The following GUF1 variants were observed in gnomAD, a reference collection of about 807,000 sequenced individuals.
GUF1 encodes translation factor GUF1, mitochondrial.
A neutral mutation model predicts 82.4 loss-of-function variants in GUF1; 78 were observed. The observed-to-expected ratio is 0.95, with a 90% confidence interval of 0.79 to 1.14. GUF1 has a LOEUF of 1.14. Ranked by LOEUF, GUF1 falls within the 50% of genes most tolerant of loss-of-function variation. The pLI is 0.00. For synonymous variants in GUF1, 279 were observed against 282.3 expected (o/e 0.99, Z 0.12); for missense variants, 814 against 798.2 (o/e 1.02, Z -0.24).
rs767233840 is a variant in GUF1, at chr4:44,697,484, A to G, written c.1872+40A>G. The G allele has an allele frequency of 3.5e-5, 40 of 1,137,822 alleles. 1 individual carries two copies. The South Asian group carries it at 5.2e-4, about 15-fold the overall frequency. 70.5% of individuals were successfully genotyped at this position (1,137,822 alleles called of 1,614,324 possible). A position where few individuals can be genotyped will look rare whatever the true frequency, so the allele number is the denominator to read the frequency against. On this transcript the variant is annotated intron_variant, in intron 16 of 16. Transcript: ENST00000281543. The stretch of plus-strand genomic sequence containing the variant: ...GTATTTATTCTACTTTATAACTTTT[A>G]TGGGCTTTAAATCAAAGGGGGCATA...
chr4:44,680,832 T>A lies in GUF1; in HGVS notation c.416T>A (p.Ile139Asn), dbSNP rs773228432. The A allele has an allele frequency of 1.2e-6, 2 of 1,607,412 alleles. No individual in the cohort carries two copies. Among genetic ancestry groups the A allele is most frequent in the Non-Finnish European group, 1.7e-6 (2 of 1,176,614 alleles). Residue 139 changes from isoleucine to asparagine, a missense_variant, in exon 3 of 17, where the codon ATT (isoleucine) becomes AAT (asparagine). Coordinates refer to ENST00000281543, the MANE Select transcript of GUF1 (RefSeq NM_021927.3). Reference sequence around the variant, plus strand: ...GGAAAGCAGTACCTTTTAAATCTCATTGATACACCGGTAAGTTTAATATTA... The same window carrying A: ...GGAAAGCAGTACCTTTTAAATCTCAATGATACACCGGTAAGTTTAATATTA... ...CEGKQYLLNL[I>N]DTPGHVDFSY...
intron 16 of GUF1, among the ~76,000 whole-genome samples, chr4:44,697,933 C>T (rs372564505): frequency 3.9e-5 from 6 of 152,048 alleles, no homozygotes; most frequent in African/African-American, 1.4e-4. Context: ...TCACTTGAGG[C>T]TAGGAGTTCC....
Position 44,682,357 on chromosome 4 carries a change from A to G in GUF1, c.531A>G (p.Ala177=). ...ANEGIQAQTV[A]NFFLAFEAQL... The stretch of plus-strand genomic sequence containing the variant: ...AGGGAATTCAAGCCCAAACTGTAGC[A>G]AACTTCTTTCTTGCCTTCGAAGCAC... The change falls in exon 5 of 17, where the codon GCA becomes GCG. Residue 177 remains alanine (A), a synonymous_variant. Transcript: ENST00000281543. The G allele has an allele frequency of 6.5e-7, 1 of 1,542,474 alleles. No individual in the cohort carries two copies. Among genetic ancestry groups the G allele is most frequent in the Non-Finnish European group, 8.7e-7 (1 of 1,145,902 alleles).
At chr4:44,693,819 T>C (rs1162268141) in intron 13 of GUF1, 5 of 152,216 alleles carry the variant, frequency 3.3e-5, no homozygotes, top group African/African-American at 7.2e-5. Context: ...TGCTTGTGTG[T>C]GCTAAGCTAG....
chr4:44,680,334 C>A, intron 1 of GUF1, 107 bp from the exon 2 acceptor site: 2 of 574,052 alleles, frequency 3.5e-6, no homozygotes, highest in Non-Finnish European at 6.2e-6. Context: ...AATATAAATG[C>A]TAGAAATGAT....
chr4:44,678,535 G>T lies in GUF1; in HGVS notation c.-88G>T, dbSNP rs1055584213. ...GGATCTGTTTGAGTCCTGTCCACCG[G>T]ATCCTACGGGGGGTACCTTCGAAAA... On this transcript the variant is annotated 5_prime_UTR_variant, in exon 1 of 17. Transcript: ENST00000281543. 4 of 1,088,896 alleles carry T rather than the reference G, an allele frequency of 3.7e-6. No individual in the cohort carries two copies. The highest frequency in any genetic ancestry group is 4.9e-6 in the Non-Finnish European group (4 of 810,186). 67.5% of individuals were successfully genotyped at this position (1,088,896 alleles called of 1,614,324 possible). A position where few individuals can be genotyped will look rare whatever the true frequency, so the allele number is the denominator to read the frequency against.
chr4:44,679,684 T>TA (rs1166076977), intron 1 of GUF1, among the ~76,000 whole-genome samples: 1 of 152,144 alleles, frequency 6.6e-6, no homozygotes. Flanking sequence ...ATGGGGCTAT[T>TA]AAAAAACAAA....
intron 6 of GUF1, among the ~76,000 whole-genome samples, chr4:44,684,656 T>C (rs772242592): frequency 5.9e-5 from 9 of 152,122 alleles, no homozygotes; most frequent in Non-Finnish European, 1.2e-4. Context: ...ACTATCCATA[T>C]GAAAAGGAGA....
intron 8 of GUF1, among the ~76,000 whole-genome samples, chr4:44,687,713 A>G (rs1715146948): frequency 6.6e-6 from 1 of 151,964 alleles, no homozygotes; most frequent in Non-Finnish European, 1.5e-5. Flanking sequence ...TGTACTTACT[A>G]GTTTCACTGT....
At chr4:44,679,530 T>C (rs1422473067) in intron 1 of GUF1, among the ~76,000 whole-genome samples, 1 of 152,196 alleles carries the variant, frequency 6.6e-6, no homozygotes, top group Non-Finnish European at 1.5e-5. Context: ...AAAAATGGAT[T>C]TATATTGCAA....
intron 4 of GUF1, chr4:44,682,095 C>G (rs1463250075): frequency 3.3e-6 from 1 of 302,734 alleles, no homozygotes; most frequent in East Asian, 5.4e-5. Context: ...AGTAGACTGT[C>G]TGTTGGCTCA....
chr4:44,688,202 C>G, intron 9 of GUF1, 56 bp downstream of exon 9: 1 of 1,533,872 alleles, frequency 6.5e-7, no homozygotes, highest in Non-Finnish European at 8.8e-7. Context: ...AACTAAAAGT[C>G]TGTCTCAGTG....
At chr4:44,678,862 A>C (rs563095448) in intron 1 of GUF1, 75 bp downstream of exon 1, 3 of 1,420,920 alleles carry the variant, frequency 2.1e-6, no homozygotes, top group Admixed American at 3.0e-5. Flanking sequence ...GGACATGTAT[A>C]GGGCTTTCTG....
chr4:44,683,166 C>G (rs368594367), intron 5 of GUF1, 69 bp from the exon 6 acceptor site: 54 of 962,062 alleles, frequency 5.6e-5, no homozygotes, highest in Non-Finnish European at 1.1e-5. Flanking sequence ...TAATTACCTC[C>G]GAATACTGTT....
intron 8 of GUF1, among the ~76,000 whole-genome samples, chr4:44,687,656 C>A (rs1248403654): frequency 6.6e-6 from 1 of 151,828 alleles, no homozygotes. Context: ...ATTTTCAACA[C>A]AATTCATTAA....
intron 1 of GUF1, among the ~76,000 whole-genome samples, chr4:44,679,126 C>G (rs62305371): frequency 2.6e-3 from 391 of 152,284 alleles, no homozygotes; most frequent in Non-Finnish European, 4.5e-3. Context: ...ATTAATATAA[C>G]GTCCATTTTC....
rs377348282 is a variant in GUF1 at position 44,700,340 on chromosome 4, C to G, written c.*1659C>G. Reference sequence around the variant, plus strand: ...ACAAATGCATAAATGATTGCTTTCTCTGTTTCATGTTTCACTAAGCCAGAT... The same window carrying G: ...ACAAATGCATAAATGATTGCTTTCTGTGTTTCATGTTTCACTAAGCCAGAT... On this transcript the variant is annotated 3_prime_UTR_variant, in exon 17 of 17. Coordinates refer to ENST00000281543, the MANE Select transcript of GUF1 (RefSeq NM_021927.3). 11 of 152,202 alleles carry G rather than the reference C, an allele frequency of 7.2e-5. No homozygotes were observed. Among genetic ancestry groups the G allele is most frequent in the African/African-American group, 2.7e-4 (11 of 41,462 alleles). 9.4% of individuals were successfully genotyped at this position (152,202 alleles called of 1,614,324 possible). A position where few individuals can be genotyped will look rare whatever the true frequency, so the allele number is the denominator to read the frequency against.
chr4:44,700,625 C>G lies in GUF1; in HGVS notation c.*1944C>G, dbSNP rs547173356. ...CTTGGGCACATGTGGTGAGGACCTC[C>G]TGAGGCTGTGTCATGGGCACACCTT... On this transcript the variant is annotated 3_prime_UTR_variant, in exon 17 of 17. Transcript: ENST00000281543. 6.6e-6 allele frequency: 1 copy of G among 152,312 alleles called. No homozygotes were observed. Among genetic ancestry groups the G allele is most frequent in the African/African-American group, 2.4e-5 (1 of 41,562 alleles). The allele number at this position is 152,312 out of a possible 1,614,324, so 9.4% of individuals were successfully genotyped here.
chr4:44,687,667 T>C (rs1715142773), intron 8 of GUF1, among the ~76,000 whole-genome samples: 2 of 151,974 alleles, frequency 1.3e-5, no homozygotes, highest in Non-Finnish European at 2.9e-5. Context: ...AATTCATTAA[T>C]AAAAGACATC....
Sources: gnomAD v4.1 joint callset for allele counts (sites outside exome capture counted in the v4.1 genomes callset) on GRCh38, gnomAD v4.1.1 for gene constraint, MANE v1.5 for transcripts, NCBI Gene and HGNC (gene_info 2026-07-23, HGNC 2026-07-21) for gene names.